BZW1: variants seen among roughly 807,000 people sequenced by gnomAD.
BZW1 encodes eIF5-mimic protein 2.
A neutral mutation model predicts 54.1 loss-of-function variants in BZW1; 3 were observed. That is an observed-to-expected ratio of 0.06 (90% CI 0.03 to 0.14). The LOEUF (loss-of-function observed/expected upper bound fraction) is 0.14. Among genes scored for constraint, BZW1 ranks in the 10% least tolerant of loss-of-function variants. The pLI is 1.00. For missense variants in BZW1, 206 were observed against 491.7 expected (o/e 0.42, Z 5.50); for synonymous variants, 152 against 162.7 (o/e 0.93, Z 0.50).
In BZW1 at chr2:200,822,951, TG is replaced by T. The variant is rs1450521134; in HGVS notation, c.*776del. The T allele has an allele frequency of 6.0e-6, 1 of 166,968 alleles. No individual in the cohort carries two copies. The highest frequency in any genetic ancestry group is 2.4e-5 in the African/African-American group (1 of 41,390). 10.3% of individuals were successfully genotyped at this position (166,968 alleles called of 1,614,324 possible). ...TTTCTATCTTTCCAGGCAAAACAAA[TG>T]GGTATTCTTTTCATACAACCATTTT... On this transcript the variant is annotated 3_prime_UTR_variant, in exon 12 of 12. Transcript: ENST00000409600.
At chr2:200,822,050 CAGAG>C in intron 11 of BZW1, 93 bp from the exon 12 acceptor site, 1 of 1,181,194 alleles carries the variant, frequency 8.5e-7, no homozygotes, top group Non-Finnish European at 1.2e-6. Context: ...GCCTGTGGGA[CAGAG>C]GGAGACTCTG....
At chr2:200,819,888 T>G in intron 9 of BZW1, 94 bp from the exon 10 acceptor site, 128 of 1,119,680 alleles carry the variant, frequency 1.1e-4, no homozygotes, top group Non-Finnish European at 1.4e-4. Flanking sequence ...TTATAAAAGA[T>G]GAGTTAAGTT....
chr2:200,819,607 C>G (rs2105701105), intron 9 of BZW1, among the ~76,000 whole-genome samples: 1 of 150,288 alleles, frequency 6.7e-6, no homozygotes. Flanking sequence ...GTCACCCAGG[C>G]TGGAGTGCAG....
chr2:200,824,464 CTG>C lies in BZW1; in HGVS notation c.*2289_*2290del, dbSNP rs1018662494. 1 of 151,612 alleles carries C rather than the reference CTG, an allele frequency of 6.6e-6. No homozygotes were observed. Among genetic ancestry groups the C allele is most frequent in the Admixed American group, 6.6e-5 (1 of 15,242 alleles). 9.4% of individuals were successfully genotyped at this position (151,612 alleles called of 1,614,324 possible). On this transcript the variant is annotated 3_prime_UTR_variant, in exon 12 of 12. Transcript: ENST00000409600. ...TGGTTGTAAGTTTCTTAGCCTTACT[CTG>C]TGAGTTATAGATGTTATTTCATTCT...
chr2:200,819,129 C>A, intron 9 of BZW1: 1 of 495,840 alleles, frequency 2.0e-6, no homozygotes, highest in Non-Finnish European at 3.4e-6. Flanking sequence ...CAATGGCTCA[C>A]GCCTGTAAAC....
intron 8 of BZW1, 105 bp from the exon 9 acceptor site, chr2:200,818,650 C>A (rs1007797305): frequency 1.5e-6 from 2 of 1,302,992 alleles, no homozygotes; most frequent in African/African-American, 1.5e-5. Context: ...TTGCCAGTTG[C>A]ATGGAAAAGG....
In BZW1 at chr2:200,823,672, T is replaced by G. The variant is rs2038606648; in HGVS notation, c.*1494T>G. ...CCTTAAAAAGAACATTATAACTGATTGTTGTGAATGGGGTGAATTTGTTAA... is the reference window on the plus strand; with the variant it reads ...CCTTAAAAAGAACATTATAACTGATGGTTGTGAATGGGGTGAATTTGTTAA... On this transcript the variant is annotated 3_prime_UTR_variant, in exon 12 of 12. Transcript: ENST00000409600. 2 of 152,386 alleles carry G rather than the reference T, an allele frequency of 1.3e-5. No homozygotes were observed. Among genetic ancestry groups the G allele is most frequent in the South Asian group, 4.1e-4 (2 of 4,820 alleles). 9.4% of individuals were successfully genotyped at this position (152,386 alleles called of 1,614,324 possible).
chr2:200,812,721 C>T lies in BZW1; in HGVS notation c.-10-487C>T, dbSNP rs1312473306. 5.1e-6 allele frequency: 4 copies of T among 779,352 alleles called. No homozygotes were observed. In the East Asian group the frequency reaches 8.0e-5, roughly 16 times the overall value. 48.3% of individuals were successfully genotyped at this position (779,352 alleles called of 1,614,324 possible). The stretch of plus-strand genomic sequence containing the variant: ...TGCAAGGCGGCCGCTGTTGCGGTCA[C>T]AGGCATGACCTAGGGTAGGATGGTG... On this transcript the variant is annotated intron_variant, in intron 1 of 11. Coordinates refer to ENST00000409600, the MANE Select transcript of BZW1 (RefSeq NM_001207067.2).
At chr2:200,812,198 G>A in intron 1 of BZW1, 2 of 1,219,776 alleles carry the variant, frequency 1.6e-6, no homozygotes, top group Non-Finnish European at 2.0e-6. Context: ...GTGGGGAGGT[G>A]GGGTCCGGGT....
At chr2:200,816,917 G>T (rs922066635) in intron 5 of BZW1, among the ~76,000 whole-genome samples, 189 bp from the exon 6 acceptor site, 2 of 152,170 alleles carry the variant, frequency 1.3e-5, no homozygotes, top group Non-Finnish European at 2.9e-5. Flanking sequence ...CATTTTACAT[G>T]TGAGGTGCAG....
rs2038585266 is a variant in BZW1 at position 200,823,254 on chromosome 2, C to G, written c.*1076C>G. 6.0e-6 allele frequency: 1 copy of G among 165,710 alleles called. No individual in the cohort carries two copies. The highest frequency in any genetic ancestry group is 6.5e-5 in the Admixed American group (1 of 15,286). The allele number at this position is 165,710 out of a possible 1,614,324, so 10.3% of individuals were successfully genotyped here. Reference sequence around the variant, plus strand: ...GGTCATACTGGACTGGCTTCGTTCTCTTAATATACTCAGTAATGACTCAAG... The same window carrying G: ...GGTCATACTGGACTGGCTTCGTTCTGTTAATATACTCAGTAATGACTCAAG... On this transcript the variant is annotated 3_prime_UTR_variant, in exon 12 of 12. Transcript: ENST00000409600.
At chr2:200,812,275 G>A (rs2038096420) in intron 1 of BZW1, 3 of 1,232,454 alleles carry the variant, frequency 2.4e-6, no homozygotes, top group Non-Finnish European at 2.0e-6. Context: ...TGCCCGGCCT[G>A]GCTAACAAAG....
At chr2:200,814,724 A>C (rs561228892) in intron 2 of BZW1, among the ~76,000 whole-genome samples, 1 of 152,328 alleles carries the variant, frequency 6.6e-6, no homozygotes, top group Admixed American at 6.5e-5. Flanking sequence ...TGAATCAGGC[A>C]GTTTAACTCC....
chr2:200,820,320 T>A (rs1575058630), intron 10 of BZW1, 200 bp downstream of exon 10: 3 of 418,114 alleles, frequency 7.2e-6, no homozygotes, highest in South Asian at 7.9e-5. Flanking sequence ...CAAGTTGAAG[T>A]ATGAAATCTA....
chr2:200,816,462 C>T (rs563013401), intron 5 of BZW1, 72 bp downstream of exon 5: 26 of 1,130,134 alleles, frequency 2.3e-5, no homozygotes, highest in Admixed American at 1.6e-4. Flanking sequence ...ATCCTAATTC[C>T]GCCACAGATT....
At chr2:200,813,025 T>C (rs1204196475) in intron 1 of BZW1, 183 bp from the exon 2 acceptor site, 2 of 694,568 alleles carry the variant, frequency 2.9e-6, no homozygotes, top group African/African-American at 3.5e-5. Flanking sequence ...AATGCACATT[T>C]TGACGTACAT....
rs2038452074 is a variant in BZW1, at chr2:200,820,076, A to G, written c.1061A>G (p.His354Arg). ...KIQEYCYDNI[H>R]FMKAFQKIVV... The stretch of plus-strand genomic sequence containing the variant: ...CAGGAGTATTGCTATGACAACATTC[A>G]TTTCATGAAAGCCTTCCAGAAAATA... Residue 354 changes from histidine to arginine, a missense_variant, in exon 10 of 12, where the codon CAT becomes CGT. By Grantham distance (29) the His-to-Arg change is conservative. Around this residue, in one of 5 missense-constraint regions of BZW1, gnomAD observed 60 missense variants for 151.8 expected, o/e 0.40. Coordinates refer to ENST00000409600, the MANE Select transcript of BZW1 (RefSeq NM_001207067.2). 2 of 1,557,416 alleles carry G rather than the reference A, an allele frequency of 1.3e-6. No homozygotes were observed. Among genetic ancestry groups the G allele is most frequent in the Non-Finnish European group, 1.7e-6 (2 of 1,150,236 alleles).
rs1283111108 is a variant in BZW1 at position 200,815,467 on chromosome 2, G to A, written c.191G>A (p.Arg64His). Residue 64 changes from arginine to histidine, a missense_variant, in exon 3 of 12, where the codon CGT (arginine) becomes CAT (histidine). Coordinates refer to ENST00000409600, the MANE Select transcript of BZW1 (RefSeq NM_001207067.2). ...LDASGAKLDY[R>H]RYAETLFDIL... is the part of the protein sequence containing the mutation. ...GCTTCTGGAGCAAAACTTGATTACC[G>A]TCGATATGCAGAAACACTCTTTGAC... The A allele has an allele frequency of 6.2e-6, 10 of 1,613,984 alleles. No homozygotes were observed. The highest frequency in any genetic ancestry group is 2.2e-5 in the East Asian group (1 of 44,892).
intron 9 of BZW1, among the ~76,000 whole-genome samples, chr2:200,819,536 A>G (rs1318653510): frequency 6.6e-6 from 1 of 150,666 alleles, no homozygotes; most frequent in Non-Finnish European, 1.5e-5. Flanking sequence ...AGTATTGTTT[A>G]TTTTACTTAG....
Sources: gnomAD v4.1 joint callset for allele counts (sites outside exome capture counted in the v4.1 genomes callset) on GRCh38, gnomAD v4.1.1 for gene constraint, gnomAD v4.1.1 regional missense constraint, MANE v1.5 for transcripts, NCBI Gene and HGNC (gene_info 2026-07-23, HGNC 2026-07-21) for gene names.